FANCB: variants seen among roughly 807,000 people sequenced by gnomAD.
FANCB encodes the protein Fanconi anemia group B protein.
FANCB carries 5 observed loss-of-function variants against 38.9 expected under a neutral mutation model. The ratio of observed to expected loss-of-function variants is 0.13; its 90% CI spans 0.07 to 0.27. The LOEUF (loss-of-function observed/expected upper bound fraction) is 0.27. FANCB is among the 10% of genes least tolerant of loss of function. FANCB has a pLI of 1.00. For missense variants in FANCB, 573 were observed against 602.7 expected (o/e 0.95, Z 0.52); for synonymous variants, 236 against 215.4 (o/e 1.10, Z -0.84).
chrX:14,844,423 C>T (rs778988430), intron 9 of FANCB, 80 bp downstream of exon 9: 77 of 695,159 alleles, frequency 1.1e-4, no homozygotes, highest in African/African-American at 5.1e-4. Context: ...AAAACACATG[C>T]GGATCGCTGT....
At chrX:14,752,348 A>T in the FANCB span, among the ~76,000 whole-genome samples, 1 of 112,214 alleles carries the variant, frequency 8.9e-6, no homozygotes, top group African/African-American at 3.2e-5. Context: ...ACAAAAGGCC[A>T]CTAAGATTAC....
the FANCB span, among the ~76,000 whole-genome samples, chrX:14,725,503 T>G: frequency 8.9e-6 from 1 of 111,740 alleles, no homozygotes; most frequent in Non-Finnish European, 1.9e-5. Flanking sequence ...GGAGGCTCAG[T>G]CCAATAAAAA....
the FANCB span, among the ~76,000 whole-genome samples, chrX:14,818,282 G>A: frequency 2.8e-5 from 3 of 107,854 alleles, no homozygotes; most frequent in African/African-American, 6.8e-5. Context: ...ATGACTGCTC[G>A]TCAAAGAAGG....
the FANCB span, among the ~76,000 whole-genome samples, chrX:14,783,048 C>T: frequency 1.8e-5 from 2 of 111,669 alleles, no homozygotes; most frequent in Non-Finnish European, 3.8e-5. Context: ...TGGATGGCTG[C>T]TCCTGATTGG....
chrX:14,780,734 T>A, the FANCB span, among the ~76,000 whole-genome samples: 3 of 110,321 alleles, frequency 2.7e-5, no homozygotes, highest in Non-Finnish European at 5.6e-5. Context: ...TATGTCTGTG[T>A]CCCAATAAAA....
At chrX:14,746,286 T>C in the FANCB span, among the ~76,000 whole-genome samples, 1 of 111,758 alleles carries the variant, frequency 8.9e-6, no homozygotes, top group Non-Finnish European at 1.9e-5. Flanking sequence ...GGGATGAAAA[T>C]ATGAAGTCAC....
the FANCB span, among the ~76,000 whole-genome samples, chrX:14,810,353 C>T: frequency 1.2e-4 from 13 of 109,459 alleles, no homozygotes; most frequent in East Asian, 2.9e-4. Context: ...AGGCTTCAGA[C>T]GATCAAACTA....
the FANCB span, among the ~76,000 whole-genome samples, chrX:14,706,067 C>T: frequency 2.4e-5 from 1 of 41,061 alleles, no homozygotes; most frequent in Admixed American, 1.9e-4. Flanking sequence ...CCAGACCCCA[C>T]CTCAGACCAT....
At chrX:14,858,231 T>A (rs961028712) in intron 4 of FANCB, among the ~76,000 whole-genome samples, 1 of 110,282 alleles carries the variant, frequency 9.1e-6, no homozygotes, top group Non-Finnish European at 1.9e-5. Flanking sequence ...CTGTCTCTAC[T>A]AAAAATACAA....
At chrX:14,795,089 T>C in the FANCB span, among the ~76,000 whole-genome samples, 1 of 111,976 alleles carries the variant, frequency 8.9e-6, no homozygotes, top group Non-Finnish European at 1.9e-5. Flanking sequence ...TTCAACACAA[T>C]GCTTTAAAGG....
the FANCB span, among the ~76,000 whole-genome samples, chrX:14,809,597 C>G: frequency 1.7e-4 from 19 of 112,077 alleles, no homozygotes; most frequent in East Asian, 3.7e-3. Context: ...CAGTCTGAGA[C>G]CAAACTGCAA....
the FANCB span, among the ~76,000 whole-genome samples, chrX:14,707,775 C>T: frequency 3.6e-5 from 3 of 83,691 alleles, no homozygotes; most frequent in Non-Finnish European, 6.8e-5. Flanking sequence ...TGTGTGTGTG[C>T]ACGCGCGCGT....
chrX:14,763,312 C>T, the FANCB span, among the ~76,000 whole-genome samples: 3 of 112,074 alleles, frequency 2.7e-5, no homozygotes, highest in African/African-American at 9.7e-5. Context: ...AATGTGGTAT[C>T]TTCTAAAAAG....
the FANCB span, among the ~76,000 whole-genome samples, chrX:14,788,135 G>A: frequency 1.5e-4 from 16 of 108,464 alleles, no homozygotes; most frequent in African/African-American, 5.4e-4. Flanking sequence ...GAGGGACTGA[G>A]ATTCCAGGAA....
chrX:14,764,208 G>A, the FANCB span, among the ~76,000 whole-genome samples: 1 of 111,391 alleles, frequency 9.0e-6, no homozygotes, highest in African/African-American at 3.3e-5. Context: ...GAGTCTCAGG[G>A]TCTTAGGCTC....
At chrX:14,838,529 A>G (rs893645603), downstream of FANCB, among the ~76,000 whole-genome samples, 1 of 111,575 alleles carries the variant, frequency 9.0e-6, no homozygotes, top group African/African-American at 3.3e-5. Flanking sequence ...CAATGTTTTT[A>G]CTACTTTTAC....
chrX:14,779,511 A>T, the FANCB span, among the ~76,000 whole-genome samples: 1 of 112,102 alleles, frequency 8.9e-6, no homozygotes, highest in Non-Finnish European at 1.9e-5. Context: ...GGCTTCAAGC[A>T]GTAGTGTTTG....
At chrX:14,695,557 G>T in the FANCB span, among the ~76,000 whole-genome samples, 3 of 112,228 alleles carry the variant, frequency 2.7e-5, no homozygotes, top group East Asian at 8.4e-4. Context: ...CATAGATGGA[G>T]ATACTGAAGC....
the FANCB span, among the ~76,000 whole-genome samples, chrX:14,768,351 A>T: frequency 1.8e-5 from 2 of 111,516 alleles, no homozygotes; most frequent in African/African-American, 6.5e-5. Flanking sequence ...ACTGGTTTGT[A>T]GTCTTCCTTG....
Sources: gnomAD v4.1 joint callset for allele counts (sites outside exome capture counted in the v4.1 genomes callset) on GRCh38, gnomAD v4.1.1 for gene constraint, MANE v1.5 for transcripts, NCBI Gene and HGNC (gene_info 2026-07-23, HGNC 2026-07-21) for gene names.